Variants in MLLT3 observed in about 807,000 individuals in gnomAD.
MLLT3 encodes protein AF-9.
Under a neutral mutation model 53.2 loss-of-function variants are expected in MLLT3, and 4 were observed. The ratio of observed to expected loss-of-function variants is 0.08; its 90% CI spans 0.04 to 0.17. The LOEUF (loss-of-function observed/expected upper bound fraction) is 0.17. Among genes scored for constraint, MLLT3 ranks in the 10% least tolerant of loss-of-function variants. The pLI is 1.00. For missense variants in MLLT3, 569 were observed against 684.0 expected, an observed-to-expected ratio of 0.83 and a Z score of 1.87; for synonymous variants, 283 against 230.6, an observed-to-expected ratio of 1.23 and a Z score of -2.06.
At chr9:20,483,403 ATT>A (rs1010766904) in intron 2 of MLLT3, among the ~76,000 whole-genome samples, 1 of 143,796 alleles carries the variant, frequency 7.0e-6, no homozygotes. Flanking sequence ...ACACCTGGCT[ATT>A]TTTTTTTTTA....
intron 4 of MLLT3, among the ~76,000 whole-genome samples, chr9:20,444,362 TA>T (rs1187318564): frequency 6.6e-6 from 1 of 152,148 alleles, no homozygotes; most frequent in Non-Finnish European, 1.5e-5. Context: ...TGCTTAAAAT[TA>T]AAAGACATAT....
At chr9:20,393,247 C>G (rs1217173862) in intron 5 of MLLT3, among the ~76,000 whole-genome samples, 1 of 152,128 alleles carries the variant, frequency 6.6e-6, no homozygotes, top group Non-Finnish European at 1.5e-5. Flanking sequence ...GGTATAATAA[C>G]CAGGTAGGAC....
chr9:20,596,321 T>C (rs560198629), intron 2 of MLLT3, among the ~76,000 whole-genome samples: 1 of 152,364 alleles, frequency 6.6e-6, no homozygotes, highest in African/African-American at 2.4e-5. Flanking sequence ...ATTAAATGTA[T>C]AGGAGTACCC....
intron 5 of MLLT3, among the ~76,000 whole-genome samples, chr9:20,407,392 C>G (rs905151778): frequency 6.6e-6 from 1 of 152,150 alleles, no homozygotes; most frequent in Non-Finnish European, 1.5e-5. Context: ...AAGCTAGAGG[C>G]TCCTGGATGT....
At chr9:20,525,163 G>C (rs1311228794) in intron 2 of MLLT3, among the ~76,000 whole-genome samples, 1 of 139,430 alleles carries the variant, frequency 7.2e-6, no homozygotes, top group African/African-American at 2.6e-5. Context: ...CGTGAAAAAA[G>C]TAGCTAGCTC....
At chr9:20,530,488 A>C (rs760238940) in intron 2 of MLLT3, among the ~76,000 whole-genome samples, 2 of 152,216 alleles carry the variant, frequency 1.3e-5, no homozygotes, top group Non-Finnish European at 2.9e-5. Context: ...AAAGGGGTTA[A>C]GCTGTCAGCT....
At chr9:20,578,276 T>C (rs147566612) in intron 2 of MLLT3, among the ~76,000 whole-genome samples, 17 of 152,300 alleles carry the variant, frequency 1.1e-4, no homozygotes, top group African/African-American at 3.6e-4. Flanking sequence ...ATCTGGCACA[T>C]AAGATGTATT....
At chr9:20,391,382 C>T (rs533973654) in intron 5 of MLLT3, among the ~76,000 whole-genome samples, 1 of 152,138 alleles carries the variant, frequency 6.6e-6, no homozygotes, top group Non-Finnish European at 1.5e-5. Context: ...ATAAGGTAAA[C>T]AAGGTAGTAA....
At chr9:20,432,143 T>C (rs3897271) in intron 4 of MLLT3, among the ~76,000 whole-genome samples, 6,862 of 152,262 alleles carry the variant, frequency 0.045, 383 homozygotes, top group East Asian at 0.24. Flanking sequence ...ATTCAGCAGA[T>C]ACTTATTTAT....
intron 2 of MLLT3, among the ~76,000 whole-genome samples, chr9:20,463,282 G>C (rs541076033): frequency 1.4e-5 from 2 of 147,728 alleles, no homozygotes; most frequent in East Asian, 1.9e-4. Flanking sequence ...TCAAGGGGGT[G>C]GGGGGGAGGA....
chr9:20,369,988 A>G (rs752033643), intron 5 of MLLT3, among the ~76,000 whole-genome samples: 57 of 152,280 alleles, frequency 3.7e-4, no homozygotes, highest in Middle Eastern at 3.4e-3. Flanking sequence ...TCTTAATATA[A>G]CACCTGTTTG....
rs769439854 is a variant in MLLT3, at chr9:20,414,299, T to A, written c.547A>T (p.Ser183Cys). ...SSSSSSSSSS[S>C]SSSSSSSTSF... ...GTACTACTGCTGCTGCTGCTGCTGC[T>A]ACTGCTGCTGCTACTGCTGCTGCTG... The change falls in exon 5 of 11, where the codon AGC becomes TGC. Residue 183 changes from serine (S) to cysteine (C), a missense_variant. This residue lies in a region of MLLT3 where 437 missense variants were observed against 376.5 expected (regional missense o/e 1.16). Coordinates refer to ENST00000380338, the MANE Select transcript of MLLT3 (RefSeq NM_004529.4). 5 of 1,610,552 alleles carry A rather than the reference T, an allele frequency of 3.1e-6. No individual in the cohort carries two copies. Among genetic ancestry groups the A allele is most frequent in the Non-Finnish European group, 4.2e-6 (5 of 1,178,456 alleles).
At chr9:20,553,460 T>C (rs1818977624) in intron 2 of MLLT3, among the ~76,000 whole-genome samples, 1 of 152,160 alleles carries the variant, frequency 6.6e-6, no homozygotes, top group African/African-American at 2.4e-5. Context: ...CCTCCACTCA[T>C]GGAGAAATCT....
intron 4 of MLLT3, among the ~76,000 whole-genome samples, chr9:20,428,170 T>C (rs1036704414): frequency 2.6e-5 from 4 of 151,874 alleles, no homozygotes; most frequent in Non-Finnish European, 5.9e-5. Flanking sequence ...ACAAAAACAA[T>C]AGAAAAATAT....
chr9:20,524,269 AAACCT>A (rs1818143823), intron 2 of MLLT3, among the ~76,000 whole-genome samples: 1 of 151,932 alleles, frequency 6.6e-6, no homozygotes, highest in Admixed American at 6.6e-5. Flanking sequence ...GCTTTGCTGT[AAACCT>A]AAAATTCCTC....
At chr9:20,494,473 T>C (rs1825027450) in intron 2 of MLLT3, among the ~76,000 whole-genome samples, 1 of 152,178 alleles carries the variant, frequency 6.6e-6, no homozygotes, top group African/African-American at 2.4e-5. Flanking sequence ...CTTTGAAGTA[T>C]TTGAATTTAT....
intron 10 of MLLT3, among the ~76,000 whole-genome samples, chr9:20,350,344 C>G (rs1444743602): frequency 6.6e-6 from 1 of 152,076 alleles, no homozygotes; most frequent in East Asian, 1.9e-4. Flanking sequence ...GCCTGTAATC[C>G]CAGCACTTTG....
chr9:20,438,470 T>A (rs1344611184), intron 4 of MLLT3, among the ~76,000 whole-genome samples: 3 of 152,162 alleles, frequency 2.0e-5, no homozygotes, highest in Admixed American at 2.0e-4. Flanking sequence ...GGGGCTGTAG[T>A]GCAGTAACAG....
chr9:20,389,980 G>A (rs1407071791), intron 5 of MLLT3, among the ~76,000 whole-genome samples: 3 of 152,150 alleles, frequency 2.0e-5, no homozygotes, highest in Non-Finnish European at 4.4e-5. Flanking sequence ...ATGTAATTAA[G>A]TTATGTATAC....
Sources: allele counts gnomAD v4.1 joint callset (sites outside exome capture counted in the v4.1 genomes callset), GRCh38; gene constraint gnomAD v4.1.1; regional missense constraint gnomAD v4.1.1; transcripts MANE v1.5; gene names NCBI Gene and HGNC (gene_info 2026-07-23, HGNC 2026-07-21).